Variants in FKBP9 observed in about 807,000 individuals in gnomAD.
The protein encoded by FKBP9 is peptidyl-prolyl cis-trans isomerase FKBP9.
FKBP9 carries 27 observed loss-of-function variants against 55.6 expected under a neutral mutation model. The observed-to-expected ratio is 0.49, with a 90% CI of 0.36 to 0.67. FKBP9 has a LOEUF of 0.67. Among genes scored for constraint, FKBP9 ranks in the 30% least tolerant of loss-of-function variants. The pLI, the probability that FKBP9 is intolerant of heterozygous loss-of-function variation, is 0.00. For missense variants in FKBP9, 539 were observed against 742.8 expected (o/e 0.73, Z 3.19); for synonymous variants, 267 against 296.5 (o/e 0.90, Z 1.02).
intron 6 of FKBP9, among the ~76,000 whole-genome samples, chr7:32,994,683 G>C (rs1011490519): frequency 6.6e-6 from 1 of 151,492 alleles, no homozygotes; most frequent in Admixed American, 6.6e-5. Flanking sequence ...ACTTTGGCCA[G>C]CCCCAAAATT....
At chr7:32,962,910 A>C (rs1414587227) in intron 1 of FKBP9, among the ~76,000 whole-genome samples, 1 of 151,746 alleles carries the variant, frequency 6.6e-6, no homozygotes, top group African/African-American at 2.4e-5. Context: ...CAGGCTCAGA[A>C]AGGTGAGAGG....
chr7:32,999,994 T>G, intron 7 of FKBP9, 121 bp from the exon 8 acceptor site: 1 of 1,068,190 alleles, frequency 9.4e-7, no homozygotes, highest in Non-Finnish European at 1.4e-6. Context: ...TCCTCATGAT[T>G]AGATAGGGAT....
At chr7:32,974,524 T>G in intron 1 of FKBP9, 93 bp from the exon 2 acceptor site, 1 of 1,105,950 alleles carries the variant, frequency 9.0e-7, no homozygotes, top group Non-Finnish European at 1.3e-6. Context: ...ATGGCCCCAT[T>G]ACATCTGTGG....
In FKBP9 at chr7:32,957,756, C is replaced by T. The variant is rs772080917; in HGVS notation, c.183C>T (p.Tyr61=). 5 of 1,491,808 alleles carry T rather than the reference C, an allele frequency of 3.4e-6. No individual in the cohort carries two copies. In the Admixed American group the frequency reaches 7.0e-5, roughly 21 times the overall value. 92.4% of individuals were successfully genotyped at this position (1,491,808 alleles called of 1,614,324 possible). ...VRSGDFVRYH[Y]VGTFPDGQKF... is the part of the protein sequence containing the mutation. ...GCGGCGACTTCGTGCGCTACCACTA[C>T]GTGGGGACGTTCCCCGACGGCCAGA... The change falls in exon 1 of 10, where the codon TAC becomes TAT. Residue 61 remains tyrosine, a synonymous_variant. Transcript: ENST00000242209.
intron 5 of FKBP9, among the ~76,000 whole-genome samples, chr7:32,980,781 G>A (rs1262542735): frequency 1.3e-5 from 2 of 151,694 alleles, no homozygotes; most frequent in Non-Finnish European, 1.5e-5. Context: ...CCAGTGTGGA[G>A]TGCAGTGCAG....
chr7:32,961,412 G>A (rs1784021831), intron 1 of FKBP9, among the ~76,000 whole-genome samples: 1 of 152,254 alleles, frequency 6.6e-6, no homozygotes, highest in Admixed American at 6.5e-5. Flanking sequence ...AGTAGCTCTG[G>A]GATAGGGCCT....
chr7:33,006,274 C>A lies in FKBP9; in HGVS notation c.*923C>A, dbSNP rs776954291. ...CTGGGACTACAGGTGTGCACCACCA[C>A]GCCCGGCTAATTTTTGTATTTTTAG... On this transcript the variant is annotated 3_prime_UTR_variant, in exon 10 of 10. Transcript: ENST00000242209. 5 of 188,916 alleles carry A rather than the reference C, an allele frequency of 2.6e-5. No homozygotes were observed. The highest frequency in any genetic ancestry group is 5.6e-5 in the Non-Finnish European group (5 of 90,050). 11.7% of individuals were successfully genotyped at this position (188,916 alleles called of 1,614,324 possible).
intron 1 of FKBP9, among the ~76,000 whole-genome samples, chr7:32,958,993 ACT>A (rs1452914651): frequency 6.6e-6 from 1 of 151,848 alleles, no homozygotes; most frequent in Admixed American, 6.6e-5. Flanking sequence ...TATTTTGTAG[ACT>A]CTTGACTTTT....
At chr7:32,999,112 G>T (rs577786822) in intron 7 of FKBP9, among the ~76,000 whole-genome samples, 1 of 152,282 alleles carries the variant, frequency 6.6e-6, no homozygotes, top group Non-Finnish European at 1.5e-5. Context: ...AGTTGGCTTT[G>T]TTTGGGGTTC....
At chr7:33,003,844 A>C (rs1034419634) in intron 9 of FKBP9, among the ~76,000 whole-genome samples, 1 of 152,132 alleles carries the variant, frequency 6.6e-6, no homozygotes, top group African/African-American at 2.4e-5. Context: ...TCACTCGCTC[A>C]GTGGTCTTAT....
chr7:32,966,871 C>T (rs1380132520), intron 1 of FKBP9, among the ~76,000 whole-genome samples: 1 of 152,194 alleles, frequency 6.6e-6, no homozygotes, highest in Admixed American at 6.5e-5. Flanking sequence ...ACTCATTCAT[C>T]ACCGAGGGGA....
intron 1 of FKBP9, among the ~76,000 whole-genome samples, chr7:32,965,822 T>TATATATGTGTACAC (rs1562562957): frequency 3.5e-4 from 6 of 17,354 alleles, no homozygotes; most frequent in Admixed American, 2.4e-3. Flanking sequence ...AATATATATA[T>TATATATGTGTACAC]ATATATATAT....
intron 5 of FKBP9, among the ~76,000 whole-genome samples, chr7:32,986,331 G>C (rs1383906442): frequency 6.6e-6 from 1 of 152,222 alleles, no homozygotes; most frequent in Non-Finnish European, 1.5e-5. Context: ...TCACTACTTG[G>C]TGTCCCTTTG....
At chr7:32,973,682 GTTTTTTTTTTTTTT>G (rs745717239) in intron 1 of FKBP9, among the ~76,000 whole-genome samples, 2 of 64,988 alleles carry the variant, frequency 3.1e-5, no homozygotes, top group South Asian at 6.7e-4. Context: ...GTTTTTTGTT[GTTTTTTTTTTTTTT>G]TTTTTTTTTT....
intron 1 of FKBP9, among the ~76,000 whole-genome samples, chr7:32,963,218 A>G (rs1334743429): frequency 2.0e-5 from 3 of 151,940 alleles, no homozygotes; most frequent in African/African-American, 2.4e-5. Flanking sequence ...GTGCATGCTC[A>G]AGGAACAGTG....
intron 1 of FKBP9, among the ~76,000 whole-genome samples, chr7:32,972,300 C>G (rs1784267536): frequency 6.6e-6 from 1 of 152,042 alleles, no homozygotes; most frequent in Non-Finnish European, 1.5e-5. Context: ...TGAAATCTTG[C>G]TTTCTGTTCA....
At chr7:32,976,299 G>A in intron 3 of FKBP9, 55 bp from the exon 4 acceptor site, 1 of 1,610,426 alleles carries the variant, frequency 6.2e-7, no homozygotes, top group Non-Finnish European at 8.5e-7. Flanking sequence ...ACGGAGAGAT[G>A]AGTTGGAAAT....
intron 1 of FKBP9, among the ~76,000 whole-genome samples, chr7:32,970,254 T>C (rs1784226715): frequency 6.6e-6 from 1 of 152,000 alleles, no homozygotes; most frequent in Admixed American, 6.6e-5. Flanking sequence ...TGGAGTGAAG[T>C]GGTGCAATTT....
chr7:32,987,367 A>G (rs1245656153), intron 5 of FKBP9, among the ~76,000 whole-genome samples: 4 of 151,852 alleles, frequency 2.6e-5, no homozygotes. Flanking sequence ...ATGGTATTGC[A>G]TGCTGTAGCC....
Sources: allele counts gnomAD v4.1 joint callset (sites outside exome capture counted in the v4.1 genomes callset), GRCh38; gene constraint gnomAD v4.1.1; transcripts MANE v1.5; gene names NCBI Gene and HGNC (gene_info 2026-07-23, HGNC 2026-07-21).